PAX5: variants seen among roughly 807,000 people sequenced by gnomAD.
The protein encoded by PAX5 is paired box 5.
A neutral mutation model predicts 43.7 loss-of-function variants in PAX5; 9 were observed. The ratio of observed to expected loss-of-function variants is 0.21; its 90% CI spans 0.12 to 0.36. The LOEUF is 0.36. Among genes scored for constraint, PAX5 ranks in the 10% least tolerant of loss-of-function variants. The probability of loss-of-function intolerance (pLI) is 1.00; values close to 1 mark genes in which losing one functional copy is unlikely to be tolerated. For synonymous variants in PAX5, 228 were observed against 214.3 expected, an observed-to-expected ratio of 1.06 and a Z score of -0.56; for missense variants, 383 against 532.7, an observed-to-expected ratio of 0.72 and a Z score of 2.77.
At chr9:36,968,494 T>A (rs1004572460) in intron 5 of PAX5, among the ~76,000 whole-genome samples, 12 of 152,168 alleles carry the variant, frequency 7.9e-5, no homozygotes, top group Non-Finnish European at 1.5e-4. Flanking sequence ...CCCAGCATCC[T>A]CTATAGGAAG....
At chr9:37,017,770 G>C (rs1456486505) in intron 2 of PAX5, among the ~76,000 whole-genome samples, 1 of 152,276 alleles carries the variant, frequency 6.6e-6, no homozygotes, top group East Asian at 1.9e-4. Flanking sequence ...AACTGTGGAA[G>C]ACTGCGGCCT....
intron 6 of PAX5, among the ~76,000 whole-genome samples, chr9:36,952,394 C>T (rs1833088548): frequency 6.6e-6 from 1 of 152,010 alleles, no homozygotes; most frequent in Non-Finnish European, 1.5e-5. Flanking sequence ...CACATGCCAC[C>T]ATGCCTAGCT....
rs1485960361 is a variant in PAX5 at position 37,015,610 on chromosome 9, G to A, written c.213-416C>T. ...TTTTTTTTTTTTCAGACGGAGTTTC[G>A]CTCTTGTTGCCCAGGCTGGAATGCA... is the stretch of plus-strand genomic sequence containing the variant. On this transcript the variant is annotated intron_variant, in intron 2 of 9. Coordinates refer to ENST00000358127, the MANE Select transcript of PAX5 (RefSeq NM_016734.3). This position sits in a 1 kb window ranked among gnomAD's most constrained non-coding sequence, Gnocchi z 4.4. Among the ~76,000 whole-genome samples, 2 of 146,740 alleles carry A rather than the reference G, an allele frequency of 1.4e-5. No homozygotes were observed. Among genetic ancestry groups the A allele is most frequent in the Admixed American group, 6.9e-5 (1 of 14,594 alleles).
chr9:36,969,909 A>C (rs1398213041), intron 5 of PAX5, among the ~76,000 whole-genome samples: 4 of 152,252 alleles, frequency 2.6e-5, no homozygotes, highest in Middle Eastern at 3.2e-3. Context: ...TCATTTCCTT[A>C]AGAAGGATTT....
chr9:36,960,582 A>T (rs1219163145), intron 6 of PAX5, among the ~76,000 whole-genome samples: 2 of 152,202 alleles, frequency 1.3e-5, no homozygotes, highest in Admixed American at 1.3e-4. Flanking sequence ...CGGTAGTCGC[A>T]GGAACAGGAC....
At chr9:36,935,932 C>T (rs1371836846) in intron 6 of PAX5, among the ~76,000 whole-genome samples, 1 of 152,236 alleles carries the variant, frequency 6.6e-6, no homozygotes, top group Admixed American at 6.5e-5. Context: ...CCCAGGGCCT[C>T]CACTCCTCCA....
At chr9:37,004,963 G>A (rs1838262220) in intron 4 of PAX5, among the ~76,000 whole-genome samples, 1 of 152,200 alleles carries the variant, frequency 6.6e-6, no homozygotes, top group Non-Finnish European at 1.5e-5. Flanking sequence ...ATATGTATGC[G>A]AGATGTAGTT....
intron 5 of PAX5, among the ~76,000 whole-genome samples, chr9:36,999,603 T>A (rs1837678680): frequency 6.6e-6 from 1 of 152,164 alleles, no homozygotes; most frequent in African/African-American, 2.4e-5. Flanking sequence ...CTCAGTCACC[T>A]CATCCGAAAA....
At chr9:36,914,766 A>C (rs1007847317) in intron 7 of PAX5, among the ~76,000 whole-genome samples, 15 of 152,204 alleles carry the variant, frequency 9.9e-5, no homozygotes, top group Admixed American at 6.5e-5. Flanking sequence ...ATAATGCCCC[A>C]AAAAGCAGAG....
chr9:37,028,134 A>G (rs1840620817), intron 1 of PAX5, among the ~76,000 whole-genome samples: 1 of 152,176 alleles, frequency 6.6e-6, no homozygotes, highest in African/African-American at 2.4e-5. Context: ...CAAAAAATGT[A>G]TGTTGGAGGA....
At chr9:36,847,011 G>T in intron 8 of PAX5, 82 bp from the exon 9 acceptor site, 4 of 943,962 alleles carry the variant, frequency 4.2e-6, no homozygotes, top group Non-Finnish European at 5.0e-6. Flanking sequence ...AGCCAGCCTG[G>T]TTGCCAATGG....
rs965410084 is a variant in PAX5, at chr9:36,834,751, TTAA to T, written c.*5806_*5808del. On this transcript the variant is annotated 3_prime_UTR_variant, in exon 10 of 10. Coordinates refer to ENST00000358127, the MANE Select transcript of PAX5 (RefSeq NM_016734.3). The stretch of plus-strand genomic sequence containing the variant: ...ATCCATCATCCAAAATCACTTGTTC[TTAA>T]TGATGCTTTTGGAGAAGATGAGGGA... 1.5e-4 allele frequency: 34 copies of T among 232,520 alleles called. No homozygotes were observed. Among genetic ancestry groups the T allele is most frequent in the Non-Finnish European group, 3.4e-5 (4 of 117,852 alleles). 14.4% of individuals were successfully genotyped at this position (232,520 alleles called of 1,614,324 possible).
intron 7 of PAX5, among the ~76,000 whole-genome samples, chr9:36,898,462 G>A (rs1417519006): frequency 6.6e-6 from 1 of 152,006 alleles, no homozygotes; most frequent in African/African-American, 2.4e-5. Context: ...CTGGTCTCCG[G>A]GCCCCAGAAC....
chr9:36,994,699 C>T lies in PAX5; in HGVS notation c.604+7949G>A, dbSNP rs371842363. 4.8e-4 allele frequency among the ~76,000 whole-genome samples: 73 copies of T among 152,312 alleles called. 1 individual carries two copies. The highest frequency in any genetic ancestry group is 1.7e-3 in the African/African-American group (72 of 41,562). On this transcript the variant is annotated intron_variant, in intron 5 of 9. Coordinates refer to ENST00000358127, the MANE Select transcript of PAX5 (RefSeq NM_016734.3). ...AGCGGGGAGCGCATGAGAACTCGGG[C>T]CCAGCAGCCCCAGATGACTGTTGCC...
At chr9:36,881,800 G>A (rs1240961335) in intron 8 of PAX5, among the ~76,000 whole-genome samples, 2 of 152,046 alleles carry the variant, frequency 1.3e-5, no homozygotes, top group Admixed American at 6.5e-5. Flanking sequence ...CCCTCCCCTC[G>A]CCCCCGGTGT....
chr9:36,958,849 C>A (rs1833715181), intron 6 of PAX5, among the ~76,000 whole-genome samples: 1 of 152,228 alleles, frequency 6.6e-6, no homozygotes. Flanking sequence ...CCAGCCTACT[C>A]CTCCCCCATG....
intron 8 of PAX5, among the ~76,000 whole-genome samples, chr9:36,879,412 G>A (rs186366601): frequency 9.7e-4 from 147 of 152,318 alleles, no homozygotes; most frequent in African/African-American, 3.5e-3. Flanking sequence ...CCGGCTGGGT[G>A]GCCTCAGCTT....
chr9:36,934,776 G>A (rs1411872821), intron 6 of PAX5, among the ~76,000 whole-genome samples: 2 of 152,160 alleles, frequency 1.3e-5, no homozygotes, highest in African/African-American at 4.8e-5. Flanking sequence ...TAACTGTTTA[G>A]GGACATCATC....
At chr9:36,954,269 T>C (rs1833260332) in intron 6 of PAX5, among the ~76,000 whole-genome samples, 1 of 152,214 alleles carries the variant, frequency 6.6e-6, no homozygotes, top group Admixed American at 6.5e-5. Flanking sequence ...TTCTTATGAC[T>C]TAGGCCAAGA....
Sources: allele counts gnomAD v4.1 joint callset (sites outside exome capture counted in the v4.1 genomes callset), GRCh38; gene constraint gnomAD v4.1.1; non-coding constraint Gnocchi (gnomAD v3.1); transcripts MANE v1.5; gene names NCBI Gene and HGNC (gene_info 2026-07-23, HGNC 2026-07-21).